MED26: variants seen among roughly 807,000 people sequenced by gnomAD.
MED26 encodes the protein mediator of RNA polymerase II transcription subunit 26.
MED26 carries 7 observed loss-of-function variants against 43.7 expected under a neutral mutation model. The observed-to-expected ratio is 0.16, with a 90% CI of 0.09 to 0.30. The LOEUF is 0.30. MED26 is among the 10% of genes least tolerant of loss of function. The pLI is 1.00. For missense variants in MED26, 784 were observed against 840.6 expected, an observed-to-expected ratio of 0.93 and a Z score of 0.83; for synonymous variants, 375 against 371.1, an observed-to-expected ratio of 1.01 and a Z score of -0.12.
intron 1 of MED26, 109 bp downstream of exon 1, chr19:16,627,763 G>A: frequency 2.8e-6 from 2 of 715,782 alleles, no homozygotes; most frequent in Non-Finnish European, 2.0e-6. Flanking sequence ...CTCGAGGGGA[G>A]GTGGGCGCCA....
At chr19:16,626,327 C>T (rs774783676) in intron 1 of MED26, among the ~76,000 whole-genome samples, 1 of 152,164 alleles carries the variant, frequency 6.6e-6, no homozygotes, top group Non-Finnish European at 1.5e-5. Flanking sequence ...TTTTTCATGT[C>T]ACTAGTTTTA....
intron 1 of MED26, among the ~76,000 whole-genome samples, chr19:16,581,760 C>G (rs1424003196): frequency 3.3e-5 from 5 of 152,244 alleles, no homozygotes; most frequent in African/African-American, 1.2e-4. Context: ...TGTGAGGGCC[C>G]TGTGACTGTG....
intron 1 of MED26, among the ~76,000 whole-genome samples, chr19:16,621,623 T>C (rs183524101): frequency 2.0e-5 from 3 of 152,198 alleles, no homozygotes; most frequent in Admixed American, 6.5e-5. Context: ...CCCTCTCCTT[T>C]TGAATAGGCT....
At chr19:16,591,783 T>C (rs2086098871) in intron 1 of MED26, among the ~76,000 whole-genome samples, 1 of 152,212 alleles carries the variant, frequency 6.6e-6, no homozygotes, top group Admixed American at 6.5e-5. Context: ...GTAGCCACGG[T>C]GCGTCTGACA....
intron 1 of MED26, among the ~76,000 whole-genome samples, chr19:16,593,656 A>G (rs1220731822): frequency 1.3e-5 from 2 of 152,078 alleles, no homozygotes; most frequent in Admixed American, 6.5e-5. Flanking sequence ...ACACCTAGAG[A>G]GCAAACACGC....
chr19:16,613,230 T>C (rs917842956), intron 1 of MED26, among the ~76,000 whole-genome samples: 1 of 152,228 alleles, frequency 6.6e-6, no homozygotes, highest in Non-Finnish European at 1.5e-5. Context: ...TACTTTTCTT[T>C]CTTTCCATCT....
chr19:16,575,296 G>A lies in MED26; in HGVS notation c.*731C>T, dbSNP rs2085987080. The A allele has an allele frequency of 1.3e-5, 2 of 152,472 alleles. No individual in the cohort carries two copies. Among genetic ancestry groups the A allele is most frequent in the Admixed American group, 1.3e-4 (2 of 15,268 alleles). The allele number at this position is 152,472 out of a possible 1,614,324, so 9.4% of individuals were successfully genotyped here. On this transcript the variant is annotated 3_prime_UTR_variant, in exon 3 of 3. Coordinates refer to ENST00000263390, the MANE Select transcript of MED26 (RefSeq NM_004831.5). ...GAAAGGAAAGGTTTTTTTGTCTGGT[G>A]GTCTGATGGAAGAGGAATTGTTTAA...
chr19:16,594,986 G>T (rs947532867), intron 1 of MED26, among the ~76,000 whole-genome samples: 1 of 152,146 alleles, frequency 6.6e-6, no homozygotes, highest in African/African-American at 2.4e-5. Context: ...ATCCAGGGCT[G>T]CTCCTTCCTC....
At position 16,577,936 on chromosome 19, in the gene MED26, CAG is replaced by C. The variant is rs1491358586; in HGVS notation, c.148-256_148-255del. On this transcript the variant is annotated intron_variant, in intron 2 of 2. Transcript: ENST00000263390. The surrounding 1 kb of genome is among the most constrained non-coding windows in gnomAD (Gnocchi z 8.1). ...GTGCTGTCACCCAGGCTCCTGGTGT[CAG>C]GGGGCTGTGGACCATCAAGGCCACT... is the stretch of plus-strand genomic sequence containing the variant. The C allele has an allele frequency of 1.5e-4, 71 of 471,880 alleles. No individual in the cohort carries two copies. The highest frequency in any genetic ancestry group is 1.2e-3 in the African/African-American group (62 of 49,602). 29.2% of individuals were successfully genotyped at this position (471,880 alleles called of 1,614,324 possible).
At chr19:16,597,077 TGAGCCC>T (rs1372936605) in intron 1 of MED26, among the ~76,000 whole-genome samples, 1 of 152,180 alleles carries the variant, frequency 6.6e-6, no homozygotes, top group African/African-American at 2.4e-5. Flanking sequence ...ACACCAAGCC[TGAGCCC>T]GAGCATGTCT....
rs553522145 is a variant in MED26 at position 16,609,237 on chromosome 19, G to A, written c.72+18635C>T. On this transcript the variant is annotated intron_variant, in intron 1 of 2. Transcript: ENST00000263390. ...GGCAGCATGAGAATCACTTGAATCC[G>A]GGAGGTGGAGGTTGCAGCGAGCGGA... 4.8e-4 allele frequency among the ~76,000 whole-genome samples: 73 copies of A among 150,888 alleles called. 1 individual carries two copies. The South Asian group carries it at 0.014, about 29-fold the overall frequency.
In MED26 at chr19:16,576,355, C is replaced by T. The variant is rs780507334; in HGVS notation, c.1475G>A (p.Arg492Gln). 4.6e-5 allele frequency: 75 copies of T among 1,613,908 alleles called. No homozygotes were observed. The Middle Eastern group carries it at 4.9e-4, about 11-fold the overall frequency. Reference protein sequence around the residue: ...RNEIIQSYLSRQSSLLSSSGA... With the variant: ...RNEIIQSYLSQQSSLLSSSGA... ...CGATGATGAGAGCAGGCTGCTCTGC[C>T]GGCTCAGGTAGGACTGGATGATCTC... Residue 492 changes from arginine (R) to glutamine (Q), a missense_variant, in exon 3 of 3, where the codon CGG (arginine) becomes CAG (glutamine). Physicochemically the swap from Arg to Gln is conservative, Grantham distance 43. Coordinates refer to ENST00000263390, the MANE Select transcript of MED26 (RefSeq NM_004831.5). This position sits in a 1 kb window ranked among gnomAD's most constrained non-coding sequence, Gnocchi z 6.8.
intron 1 of MED26, among the ~76,000 whole-genome samples, chr19:16,595,218 C>A (rs1599338034): frequency 1.3e-5 from 2 of 152,292 alleles, no homozygotes; most frequent in South Asian, 4.1e-4. Context: ...TTGACCCCAG[C>A]CCTCCTCAAA....
chr19:16,594,417 G>T (rs528768643), intron 1 of MED26, among the ~76,000 whole-genome samples: 97 of 152,360 alleles, frequency 6.4e-4, no homozygotes, highest in African/African-American at 2.3e-3. Context: ...CCTGAACCAC[G>T]CGCATCTCAC....
rs367601872 is a variant in MED26 at position 16,576,774 on chromosome 19, C to T, written c.1056G>A (p.Ala352=). ...LEQPESHQRL[A]GPGCKAGLSP... is the part of the protein sequence containing the mutation. Reference sequence around the variant, plus strand: ...ACAGCCCTGCCTTGCAGCCCGGCCCCGCCAGCCGCTGGTGGCTCTCAGGCT... The same window carrying T: ...ACAGCCCTGCCTTGCAGCCCGGCCCTGCCAGCCGCTGGTGGCTCTCAGGCT... Residue 352 remains alanine (A), a synonymous_variant, in exon 3 of 3, where the codon GCG becomes GCA. Transcript: ENST00000263390. This position sits in a 1 kb window ranked among gnomAD's most constrained non-coding sequence, Gnocchi z 6.8. The T allele has an allele frequency of 4.4e-5, 70 of 1,606,840 alleles. No individual in the cohort carries two copies. Among genetic ancestry groups the T allele is most frequent in the Middle Eastern group, 1.7e-4 (1 of 6,024 alleles).
chr19:16,598,623 C>T (rs963633317), intron 1 of MED26, among the ~76,000 whole-genome samples: 6 of 152,306 alleles, frequency 3.9e-5, no homozygotes, highest in Admixed American at 6.5e-5. Context: ...TGAGAAGTCG[C>T]GTCAACAACT....
chr19:16,591,731 TG>T (rs2086098589), intron 1 of MED26, among the ~76,000 whole-genome samples: 1 of 152,182 alleles, frequency 6.6e-6, no homozygotes, highest in Non-Finnish European at 1.5e-5. Flanking sequence ...CCCCAAAACA[TG>T]GTGCAAGCAA....
intron 1 of MED26, 54 bp downstream of exon 1, chr19:16,627,818 G>A (rs2086288895): frequency 2.2e-6 from 3 of 1,337,418 alleles, no homozygotes; most frequent in Admixed American, 2.5e-5. Context: ...CAGGAGAGGG[G>A]GAGGGTCCCG....
intron 1 of MED26, 40 bp downstream of exon 1, chr19:16,627,832 C>T: frequency 7.0e-7 from 1 of 1,435,032 alleles, no homozygotes. Context: ...GGTCCCGGGC[C>T]CATGCGGCCT....
Sources: allele counts gnomAD v4.1 joint callset (sites outside exome capture counted in the v4.1 genomes callset), GRCh38; gene constraint gnomAD v4.1.1; non-coding constraint Gnocchi (gnomAD v3.1); transcripts MANE v1.5; gene names NCBI Gene and HGNC (gene_info 2026-07-23, HGNC 2026-07-21).